USO1: variants seen among roughly 807,000 people sequenced by gnomAD.
USO1 encodes general vesicular transport factor p115.
A neutral mutation model predicts 124.5 loss-of-function variants in USO1; 57 were observed. The observed-to-expected ratio is 0.46, with a 90% confidence interval of 0.37 to 0.57. The LOEUF (loss-of-function observed/expected upper bound fraction) is 0.57, where lower values mean the gene tolerates loss of function less well. Ranked by LOEUF, USO1 falls within the 20% of genes least tolerant of loss-of-function variation. The probability of loss-of-function intolerance (pLI) is 0.00; values close to 1 mark genes in which losing one functional copy is unlikely to be tolerated. For missense variants in USO1, 900 were observed against 1,040.6 expected (o/e 0.86, Z 1.86); for synonymous variants, 369 against 362.8 (o/e 1.02, Z -0.19).
At chr4:75,731,862 AAAG>A (rs1391673061) in intron 1 of USO1, among the ~76,000 whole-genome samples, 2 of 152,246 alleles carry the variant, frequency 1.3e-5, no homozygotes, top group Non-Finnish European at 2.9e-5. Flanking sequence ...TACTTAAAAA[AAAG>A]AATTGTGAAA....
At chr4:75,756,760 G>A (rs1483362788) in intron 3 of USO1, among the ~76,000 whole-genome samples, 1 of 151,796 alleles carries the variant, frequency 6.6e-6, no homozygotes, top group Non-Finnish European at 1.5e-5. Context: ...TGATCCACCT[G>A]CCTCAGCCTC....
intron 1 of USO1, among the ~76,000 whole-genome samples, chr4:75,740,502 G>C (rs895342475): frequency 6.6e-6 from 1 of 152,186 alleles, no homozygotes; most frequent in Non-Finnish European, 1.5e-5. Flanking sequence ...TGCCCAGGCT[G>C]ATCACAAATT....
At chr4:75,772,947 A>G (rs1721972937) in intron 7 of USO1, among the ~76,000 whole-genome samples, 1 of 152,048 alleles carries the variant, frequency 6.6e-6, no homozygotes, top group East Asian at 1.9e-4. Context: ...AAATACAAAA[A>G]ATTAACTGGG....
intron 4 of USO1, among the ~76,000 whole-genome samples, chr4:75,757,926 A>G (rs554070692): frequency 1.3e-5 from 2 of 152,266 alleles, no homozygotes; most frequent in East Asian, 1.9e-4. Context: ...CTAGTGAGCA[A>G]TATAAAATTA....
Position 75,800,375 on chromosome 4 carries a change from C to T in USO1, c.1588C>T (p.Leu530Phe). Reference protein sequence around the residue: ...PFLTGQIAENLGEEEQLVQGL... With the variant: ...PFLTGQIAENFGEEEQLVQGL... ...GCTTACAGGACAAATTGCAGAAAAT[C>T]TTGGAGAAGAAGAGCAGTTGGTCCA... is the stretch of plus-strand genomic sequence containing the variant. The change falls in exon 15 of 24, where the codon CTT becomes TTT. Residue 530 changes from leucine to phenylalanine, a missense_variant. Around this residue, in one of 2 missense-constraint regions of USO1, gnomAD observed 538 missense variants for 681.6 expected, o/e 0.79. Coordinates refer to ENST00000514213, the MANE Select transcript of USO1 (RefSeq NM_003715.4). 7 of 1,596,164 alleles carry T rather than the reference C, an allele frequency of 4.4e-6. No homozygotes were observed. Among genetic ancestry groups the T allele is most frequent in the Non-Finnish European group, 6.0e-6 (7 of 1,170,954 alleles).
Position 75,805,129 on chromosome 4 carries a change from C to A in USO1, c.2126-11C>A. The A allele has an allele frequency of 2.6e-6, 4 of 1,553,458 alleles. No individual in the cohort carries two copies. Among genetic ancestry groups the A allele is most frequent in the Non-Finnish European group, 3.5e-6 (4 of 1,154,620 alleles). On this transcript the variant is annotated splice_polypyrimidine_tract_variant and intron_variant, in intron 18 of 23. Transcript: ENST00000514213. ...CCCGTTGGCTTTTAAAATGTTATGT[C>A]TGTCTAACAGGAAAAGACAATCAGC...
intron 17 of USO1, 115 bp downstream of exon 17, chr4:75,801,315 C>A: frequency 8.0e-7 from 1 of 1,254,202 alleles, no homozygotes; most frequent in Non-Finnish European, 1.0e-6. Flanking sequence ...CAAAACCCAT[C>A]ATTTTTCAAA....
At chr4:75,728,318 A>T (rs958260597) in intron 1 of USO1, among the ~76,000 whole-genome samples, 1 of 152,166 alleles carries the variant, frequency 6.6e-6, no homozygotes, top group African/African-American at 2.4e-5. Context: ...GTTAAGAGTA[A>T]CTTTGGACTG....
chr4:75,800,814 T>A lies in USO1; in HGVS notation c.1864+15T>A, dbSNP rs1483529081. The A allele has an allele frequency of 2.5e-6, 4 of 1,607,674 alleles. No individual in the cohort carries two copies. The highest frequency in any genetic ancestry group is 3.4e-6 in the Non-Finnish European group (4 of 1,176,820). On this transcript the variant is annotated intron_variant, in intron 16 of 23. Transcript: ENST00000514213. The stretch of plus-strand genomic sequence containing the variant: ...AGAACTTGAAGGTAAGACTGAAGAT[T>A]TATATTGATATTTGATGGAAAGTAA...
chr4:75,781,844 C>T (rs1254700164), intron 8 of USO1, among the ~76,000 whole-genome samples: 1 of 152,142 alleles, frequency 6.6e-6, no homozygotes, highest in Non-Finnish European at 1.5e-5. Context: ...GCTTACTTGT[C>T]GTTACGTACA....
intron 1 of USO1, among the ~76,000 whole-genome samples, chr4:75,750,632 G>GC (rs1354701477): frequency 4.0e-5 from 6 of 151,892 alleles, no homozygotes; most frequent in African/African-American, 1.4e-4. Flanking sequence ...CTATAGGTGC[G>GC]CACCACCTCA....
intron 1 of USO1, among the ~76,000 whole-genome samples, chr4:75,746,730 A>G (rs1721136834): frequency 6.6e-6 from 1 of 152,242 alleles, no homozygotes; most frequent in East Asian, 1.9e-4. Flanking sequence ...TAAGGCCTCA[A>G]GGTAGCAAAA....
chr4:75,746,892 A>G (rs970114803), intron 1 of USO1, among the ~76,000 whole-genome samples: 3 of 152,208 alleles, frequency 2.0e-5, no homozygotes, highest in Non-Finnish European at 4.4e-5. Context: ...AAAGGTATAT[A>G]TGATGGAAAT....
chr4:75,750,449 A>G (rs1346808086), intron 1 of USO1, among the ~76,000 whole-genome samples: 2 of 151,066 alleles, frequency 1.3e-5, no homozygotes, highest in African/African-American at 4.9e-5. Flanking sequence ...AAAAAAAGTG[A>G]TGAAATCTAA....
intron 1 of USO1, among the ~76,000 whole-genome samples, chr4:75,735,330 C>A (rs1720758529): frequency 6.6e-6 from 1 of 151,968 alleles, no homozygotes. Flanking sequence ...GCTCTAGGTG[C>A]CTTTTAGTGG....
At chr4:75,804,510 ACCC>A (rs766057558) in intron 18 of USO1, among the ~76,000 whole-genome samples, 1 of 152,140 alleles carries the variant, frequency 6.6e-6, no homozygotes, top group Non-Finnish European at 1.5e-5. Flanking sequence ...TTGATTCTCA[ACCC>A]TGGCTGCATA....
chr4:75,756,247 C>T (rs1200438249), intron 3 of USO1, among the ~76,000 whole-genome samples: 2 of 150,754 alleles, frequency 1.3e-5, no homozygotes, highest in Non-Finnish European at 2.9e-5. Flanking sequence ...AAGGACTCAA[C>T]CTGCTCTTGG....
At chr4:75,795,199 C>T (rs976342734) in intron 13 of USO1, 16 of 616,318 alleles carry the variant, frequency 2.6e-5, no homozygotes, top group African/African-American at 2.4e-4. Flanking sequence ...AAAGAAGTAT[C>T]ATTAGAACCA....
rs779003948 is a variant in USO1 at position 75,812,167 on chromosome 4, T to A, written c.2591T>A (p.Ile864Asn). The change falls in exon 23 of 24, where the codon ATT (isoleucine) becomes AAT (asparagine). Residue 864 changes from isoleucine to asparagine, a missense_variant. Around this residue, in one of 2 missense-constraint regions of USO1, gnomAD observed 362 missense variants for 359.0 expected, o/e 1.01. Transcript: ENST00000514213. ...TCACCTTTCTTTTCCTAGAATGAAA[T>A]TAAAGCTCTGTCTGAGGAAAGAACT... ...LQETKELKNEIKALSEERTAI... is the reference protein window; with the variant it reads ...LQETKELKNENKALSEERTAI... The A allele has an allele frequency of 7.6e-5, 121 of 1,601,068 alleles. No homozygotes were observed. Among genetic ancestry groups the A allele is most frequent in the Non-Finnish European group, 9.7e-5 (114 of 1,173,536 alleles).
Sources: allele counts gnomAD v4.1 joint callset (sites outside exome capture counted in the v4.1 genomes callset), GRCh38; gene constraint gnomAD v4.1.1; regional missense constraint gnomAD v4.1.1; transcripts MANE v1.5; gene names NCBI Gene and HGNC (gene_info 2026-07-23, HGNC 2026-07-21).